The following CSNK1G1 variants were observed in gnomAD, a reference collection of about 807,000 sequenced individuals.
CSNK1G1 encodes casein kinase I isoform gamma-1.
A neutral mutation model predicts 59.6 loss-of-function variants in CSNK1G1; 22 were observed. That is an observed-to-expected ratio of 0.37 (90% CI 0.26 to 0.53). The LOEUF is 0.53. CSNK1G1 is among the 20% of genes least tolerant of loss of function. The pLI is 0.89. For missense variants in CSNK1G1, 384 were observed against 519.5 expected (o/e 0.74, Z 2.54); for synonymous variants, 179 against 177.1 (o/e 1.01, Z -0.08).
chr15:64,265,712 C>G, intron 2 of CSNK1G1: 1 of 383,274 alleles, frequency 2.6e-6, no homozygotes. Context: ...GGTGAATGAT[C>G]TCTACAAGGG....
At chr15:64,197,303 T>C (rs937941012) in intron 10 of CSNK1G1, among the ~76,000 whole-genome samples, 1 of 152,244 alleles carries the variant, frequency 6.6e-6, no homozygotes, top group African/African-American at 2.4e-5. Context: ...TTATCATCAA[T>C]GTCATCTCTA....
chr15:64,267,854 C>A (rs1290549065), intron 2 of CSNK1G1, among the ~76,000 whole-genome samples: 1 of 152,134 alleles, frequency 6.6e-6, no homozygotes, highest in Non-Finnish European at 1.5e-5. Context: ...GTGGCTCATG[C>A]CTGTAGTTCC....
At chr15:64,310,135 T>TTTG (rs904723641) in intron 1 of CSNK1G1, among the ~76,000 whole-genome samples, 1 of 152,000 alleles carries the variant, frequency 6.6e-6, no homozygotes, top group African/African-American at 2.4e-5. Flanking sequence ...GTGGGTAGGT[T>TTTG]TTGTTTTAAA....
Position 64,170,351 on chromosome 15 carries a change from G to C in CSNK1G1, c.*1580C>G, listed in dbSNP as rs1297108776. On this transcript the variant is annotated 3_prime_UTR_variant, in exon 12 of 12. Transcript: ENST00000303052. ...AGGCACGGCCACCTTTCTGGAAGGA[G>C]TCCAATTGAGAAGATAATTTCAGAC... 1 of 152,380 alleles carries C rather than the reference G, an allele frequency of 6.6e-6. No homozygotes were observed. The highest frequency in any genetic ancestry group is 1.9e-4 in the East Asian group (1 of 5,194). 9.4% of individuals were successfully genotyped at this position (152,380 alleles called of 1,614,324 possible). A position where few individuals can be genotyped will look rare whatever the true frequency, so the allele number is the denominator to read the frequency against.
intron 4 of CSNK1G1, among the ~76,000 whole-genome samples, chr15:64,231,764 TTCC>T (rs1395930433): frequency 1.3e-5 from 2 of 152,240 alleles, no homozygotes; most frequent in African/African-American, 4.8e-5. Context: ...CTTTCAGAAC[TTCC>T]TCATTTTATA....
chr15:64,328,894 C>T (rs1312593085), intron 1 of CSNK1G1, among the ~76,000 whole-genome samples: 2 of 119,070 alleles, frequency 1.7e-5, no homozygotes, highest in Non-Finnish European at 3.4e-5. Context: ...ATAAAACAGA[C>T]TTTAAACCAA....
At chr15:64,211,788 T>C (rs542530262) in intron 6 of CSNK1G1, among the ~76,000 whole-genome samples, 53 of 152,312 alleles carry the variant, frequency 3.5e-4, no homozygotes, top group Admixed American at 6.5e-4. Context: ...TTTGCATCCT[T>C]TTTCTTAACC....
At chr15:64,259,944 T>C (rs1396376652) in intron 2 of CSNK1G1, among the ~76,000 whole-genome samples, 2 of 152,246 alleles carry the variant, frequency 1.3e-5, no homozygotes, top group Non-Finnish European at 2.9e-5. Context: ...GTAATCAATA[T>C]TCCCAGACGT....
At chr15:64,212,636 G>A (rs1214023079) in intron 6 of CSNK1G1, among the ~76,000 whole-genome samples, 1 of 152,162 alleles carries the variant, frequency 6.6e-6, no homozygotes, top group Non-Finnish European at 1.5e-5. Flanking sequence ...TCCAGCTCAG[G>A]TGACTGAGGT....
At chr15:64,172,071 G>A in intron 11 of CSNK1G1, 86 bp from the exon 12 acceptor site, 7 of 1,279,158 alleles carry the variant, frequency 5.5e-6, no homozygotes, top group African/African-American at 1.5e-5. Flanking sequence ...CTGCAGGGGT[G>A]GAATTTTCCC....
chr15:64,319,053 T>C lies in CSNK1G1; in HGVS notation c.-224-18330A>G, dbSNP rs1380460204. 2.6e-5 allele frequency among the ~76,000 whole-genome samples: 4 copies of C among 151,868 alleles called. No individual in the cohort carries two copies. The East Asian group carries it at 7.8e-4, about 29-fold the overall frequency. On this transcript the variant is annotated intron_variant, in intron 1 of 11. Transcript: ENST00000303052. The stretch of plus-strand genomic sequence containing the variant: ...TTTTTTTAGAGACAATGTTTTGCCA[T>C]GTTGCCCAGGCTGGTCTCCAACTCC...
chr15:64,193,638 T>C (rs1287442478), intron 10 of CSNK1G1, among the ~76,000 whole-genome samples: 1 of 152,140 alleles, frequency 6.6e-6, no homozygotes, highest in Non-Finnish European at 1.5e-5. Context: ...ATAAACCTTA[T>C]CAAATAGGAG....
intron 2 of CSNK1G1, among the ~76,000 whole-genome samples, chr15:64,277,652 T>C (rs565821336): frequency 7.9e-6 from 1 of 127,338 alleles, no homozygotes; most frequent in African/African-American, 3.1e-5. Flanking sequence ...TATTTAATAA[T>C]ATAGCAATAT....
chr15:64,175,149 C>A (rs2081727111), intron 11 of CSNK1G1, among the ~76,000 whole-genome samples: 3 of 151,994 alleles, frequency 2.0e-5, no homozygotes, highest in Non-Finnish European at 2.9e-5. Flanking sequence ...CACATGTTTG[C>A]AAAACAAATA....
intron 10 of CSNK1G1, among the ~76,000 whole-genome samples, chr15:64,190,353 A>G (rs908302545): frequency 2.6e-5 from 4 of 152,224 alleles, no homozygotes; most frequent in African/African-American, 9.6e-5. Flanking sequence ...ATTTCTGCCA[A>G]AAGAGGTTCA....
At chr15:64,258,311 A>T (rs1231832172) in intron 3 of CSNK1G1, among the ~76,000 whole-genome samples, 1 of 151,788 alleles carries the variant, frequency 6.6e-6, no homozygotes, top group African/African-American at 2.4e-5. Flanking sequence ...TGAGCCCAGG[A>T]GGCGGAGGTT....
At chr15:64,253,943 C>T (rs544924213) in intron 3 of CSNK1G1, among the ~76,000 whole-genome samples, 3 of 152,092 alleles carry the variant, frequency 2.0e-5, no homozygotes, top group Admixed American at 2.0e-4. Context: ...AGTTCGAGAC[C>T]AGCCTGGACA....
rs200141602 is a variant in CSNK1G1 at position 64,267,385 on chromosome 15, G to GA, written c.182-8145dup. Reference sequence around the variant, plus strand: ...ACAGAGTGAAGAGACAACCTAGAGGGAAAAAATATTTGCAAATTATTCATC... The same window carrying GA: ...ACAGAGTGAAGAGACAACCTAGAGGGAAAAAAATATTTGCAAATTATTCATC... On this transcript the variant is annotated intron_variant, in intron 2 of 11. Coordinates refer to ENST00000303052, the MANE Select transcript of CSNK1G1 (RefSeq NM_022048.5). 8.3e-3 allele frequency among the ~76,000 whole-genome samples: 1,261 copies of GA among 151,970 alleles called. 19 individuals carry two copies. The highest frequency in any genetic ancestry group is 0.029 in the African/African-American group (1,183 of 41,460).
chr15:64,310,908 G>A (rs552655464), intron 1 of CSNK1G1, among the ~76,000 whole-genome samples: 2 of 150,518 alleles, frequency 1.3e-5, no homozygotes, highest in African/African-American at 4.9e-5. Context: ...GGGAAGCCGA[G>A]GCAGGAGAAT....
Sources: gnomAD v4.1 joint callset for allele counts (sites outside exome capture counted in the v4.1 genomes callset) on GRCh38, gnomAD v4.1.1 for gene constraint, MANE v1.5 for transcripts, NCBI Gene and HGNC (gene_info 2026-07-23, HGNC 2026-07-21) for gene names.